The following MAPK10 variants were observed in gnomAD, a reference collection of about 807,000 sequenced individuals.
The protein encoded by MAPK10 is JNK3 alpha protein kinase.
Under a neutral mutation model 59.3 loss-of-function variants are expected in MAPK10, and 25 were observed. The ratio of observed to expected loss-of-function variants is 0.42; its 90% CI spans 0.31 to 0.59. MAPK10 has a LOEUF of 0.59. Ranked by LOEUF, MAPK10 falls within the 20% of genes least tolerant of loss-of-function variation. The probability of loss-of-function intolerance (pLI) is 0.15; values close to 1 mark genes in which losing one functional copy is unlikely to be tolerated. For synonymous variants in MAPK10, 190 were observed against 200.5 expected (o/e 0.95, Z 0.44); for missense variants, 351 against 568.9 (o/e 0.62, Z 3.90).
At chr4:86,270,564 C>T (rs910268926) in intron 2 of MAPK10, among the ~76,000 whole-genome samples, 2 of 151,970 alleles carry the variant, frequency 1.3e-5, no homozygotes, top group African/African-American at 4.8e-5. Flanking sequence ...AAGTGAAACA[C>T]ACAGGCCTTA....
chr4:86,035,572 A>C (rs1451304346), intron 11 of MAPK10, among the ~76,000 whole-genome samples: 1 of 139,990 alleles, frequency 7.1e-6, no homozygotes, highest in East Asian at 2.1e-4. Context: ...GACTGCGGTT[A>C]AAAAAAAAAA....
At chr4:86,531,407 G>A (rs569395820) in intron 1 of MAPK10, among the ~76,000 whole-genome samples, 9 of 152,076 alleles carry the variant, frequency 5.9e-5, no homozygotes, top group African/African-American at 2.2e-4. Flanking sequence ...AGGTGGTGGT[G>A]GTCATTGTTA....
chr4:86,228,471 T>C (rs1393713359), intron 2 of MAPK10, among the ~76,000 whole-genome samples: 1 of 152,180 alleles, frequency 6.6e-6, no homozygotes, highest in Non-Finnish European at 1.5e-5. Context: ...GAAATCCTTC[T>C]CCCATATACT....
chr4:86,419,448 G>T (rs116517551), intron 1 of MAPK10, among the ~76,000 whole-genome samples: 7 of 152,032 alleles, frequency 4.6e-5, no homozygotes, highest in African/African-American at 1.7e-4. Flanking sequence ...AACAACTTAT[G>T]CAGCATTATC....
chr4:86,038,258 C>T (rs2040761132), intron 11 of MAPK10, among the ~76,000 whole-genome samples: 1 of 152,162 alleles, frequency 6.6e-6, no homozygotes, highest in Non-Finnish European at 1.5e-5. Flanking sequence ...GTTCTGCTGC[C>T]TTGTTTAAAA....
chr4:86,286,562 A>ATGAGGAAACTGAGGCAGAGAGAAG (rs1330789371), intron 2 of MAPK10, among the ~76,000 whole-genome samples: 4 of 152,190 alleles, frequency 2.6e-5, no homozygotes, highest in Non-Finnish European at 5.9e-5. Flanking sequence ...CATTTTACAG[A>ATGAGGAAACTGAGGCAGAGAGAAG]TGAGGAAACT....
intron 13 of MAPK10, chr4:86,025,545 C>G (rs1578720588): frequency 5.0e-6 from 2 of 398,268 alleles, no homozygotes; most frequent in East Asian, 7.1e-5. Context: ...TTCAGTTGTC[C>G]AGTCAATGTG....
intron 1 of MAPK10, among the ~76,000 whole-genome samples, chr4:86,437,557 T>C (rs796989394): frequency 3.9e-5 from 6 of 152,362 alleles, no homozygotes; most frequent in African/African-American, 1.4e-4. Context: ...AAGATTAGCC[T>C]ATAATTTTCC....
At chr4:86,264,956 A>ATC (rs1455795860) in intron 2 of MAPK10, among the ~76,000 whole-genome samples, 2 of 133,432 alleles carry the variant, frequency 1.5e-5, no homozygotes, top group Non-Finnish European at 3.0e-5. Flanking sequence ...CAGTGGAGCC[A>ATC]TCTCAGCTCA....
intron 1 of MAPK10, among the ~76,000 whole-genome samples, chr4:86,565,201 C>T (rs756391511): frequency 3.3e-5 from 5 of 152,148 alleles, no homozygotes; most frequent in Admixed American, 1.3e-4. Context: ...CTTTTAAAAA[C>T]AGCTCAGAAC....
At chr4:86,031,983 A>G (rs1237758040) in intron 11 of MAPK10, 1 of 152,588 alleles carries the variant, frequency 6.6e-6, no homozygotes, top group Non-Finnish European at 1.5e-5. Context: ...GTCTTTATAT[A>G]TTGCTGTGTG....
chr4:86,190,264 A>G (rs2079365262), intron 3 of MAPK10, among the ~76,000 whole-genome samples: 1 of 152,140 alleles, frequency 6.6e-6, no homozygotes, highest in African/African-American at 2.4e-5. Context: ...GGCCTCATAA[A>G]ATGAGTAAGG....
In MAPK10 at chr4:86,499,919, G is replaced by A. The variant is rs1755175479; in HGVS notation, c.-263+93991C>T. 5.9e-5 allele frequency among the ~76,000 whole-genome samples: 9 copies of A among 152,306 alleles called. No homozygotes were observed. The South Asian group carries it at 1.7e-3, about 28-fold the overall frequency. On this transcript the variant is annotated intron_variant, in intron 1 of 4. Coordinates refer to the MAPK10 transcript ENST00000502302. Reference sequence around the variant, plus strand: ...GATCCCAGCAACCATCTTGGACCACGTGAAAACCTTGGGGATGGAAATCAC... The same window carrying A: ...GATCCCAGCAACCATCTTGGACCACATGAAAACCTTGGGGATGGAAATCAC...
chr4:86,240,622 G>C (rs1312311880), intron 2 of MAPK10, among the ~76,000 whole-genome samples: 2 of 151,488 alleles, frequency 1.3e-5, no homozygotes, highest in Non-Finnish European at 2.9e-5. Flanking sequence ...GATCTTTGTT[G>C]GTTGAAAGTC....
intron 1 of MAPK10, among the ~76,000 whole-genome samples, chr4:86,517,722 A>T (rs542677016): frequency 6.6e-6 from 1 of 152,276 alleles, no homozygotes; most frequent in East Asian, 1.9e-4. Flanking sequence ...TACTGGGTTC[A>T]TAGAATGATT....
intron 1 of MAPK10, among the ~76,000 whole-genome samples, chr4:86,537,881 G>A (rs1437780365): frequency 6.6e-6 from 1 of 152,020 alleles, no homozygotes; most frequent in Non-Finnish European, 1.5e-5. Flanking sequence ...TCTGAGCCTT[G>A]TTTTATAAAT....
chr4:86,321,802 T>C (rs2095900082), intron 2 of MAPK10: 1 of 152,144 alleles, frequency 6.6e-6, no homozygotes, highest in African/African-American at 2.4e-5. Context: ...ACCTGTTTTG[T>C]AACCCCAAGA....
At chr4:86,494,465 T>C (rs1754712354) in intron 1 of MAPK10, among the ~76,000 whole-genome samples, 1 of 152,164 alleles carries the variant, frequency 6.6e-6, no homozygotes, top group Admixed American at 6.5e-5. Flanking sequence ...GATATCTGTA[T>C]GAGAAGACTT....
chr4:86,379,177 A>T (rs1449540655), intron 1 of MAPK10, among the ~76,000 whole-genome samples: 3 of 152,208 alleles, frequency 2.0e-5, no homozygotes, highest in Non-Finnish European at 1.5e-5. Context: ...CTGCAGCCCA[A>T]CGAATCCTCC....
Sources: gnomAD v4.1 joint callset for allele counts (sites outside exome capture counted in the v4.1 genomes callset) on GRCh38, gnomAD v4.1.1 for gene constraint, MANE v1.5 for transcripts, NCBI Gene and HGNC (gene_info 2026-07-23, HGNC 2026-07-21) for gene names.